The following HGSNAT variants were observed in gnomAD, a reference collection of about 807,000 sequenced individuals.
The protein encoded by HGSNAT is transmembrane protein 76.
A neutral mutation model predicts 85.2 loss-of-function variants in HGSNAT; 59 were observed. The observed-to-expected ratio is 0.69, with a 90% CI of 0.56 to 0.86. HGSNAT has a LOEUF of 0.86. HGSNAT is among the 40% of genes least tolerant of loss of function. The probability of loss-of-function intolerance (pLI) is 0.00; values close to 1 mark genes in which losing one functional copy is unlikely to be tolerated. For missense variants in HGSNAT, 756 were observed against 777.1 expected (o/e 0.97, Z 0.32); for synonymous variants, 321 against 304.5 (o/e 1.05, Z -0.56).
intron 2 of HGSNAT, among the ~76,000 whole-genome samples, chr8:43,148,629 A>G (rs1422643510): frequency 6.6e-6 from 1 of 151,254 alleles, no homozygotes; most frequent in Non-Finnish European, 1.5e-5. Flanking sequence ...CTCTATTAAA[A>G]AATACAAAAA....
intron 11 of HGSNAT, 119 bp from the exon 12 acceptor site, chr8:43,191,355 T>C (rs1290236924): frequency 1.6e-6 from 2 of 1,253,118 alleles, no homozygotes; most frequent in East Asian, 2.4e-5. Flanking sequence ...CAGTAAGTTT[T>C]TGTATTACTG....
intron 11 of HGSNAT, among the ~76,000 whole-genome samples, chr8:43,185,864 T>G (rs1459276461): frequency 3.9e-5 from 6 of 152,246 alleles, no homozygotes; most frequent in Admixed American, 3.9e-4. Flanking sequence ...TTGAATTTTG[T>G]CGAAGGCCTT....
intron 2 of HGSNAT, among the ~76,000 whole-genome samples, chr8:43,154,376 G>C (rs1377392952): frequency 2.1e-5 from 3 of 142,290 alleles, no homozygotes; most frequent in Non-Finnish European, 4.5e-5. Context: ...CCTGGTGTGT[G>C]ATGTTCCCCT....
intron 2 of HGSNAT, among the ~76,000 whole-genome samples, chr8:43,153,111 A>G (rs1401279771): frequency 1.3e-5 from 2 of 152,046 alleles, no homozygotes; most frequent in Non-Finnish European, 1.5e-5. Context: ...GCTGTATTAG[A>G]TAAGATATAT....
At chr8:43,141,389 C>G (rs1802535270) in intron 1 of HGSNAT, among the ~76,000 whole-genome samples, 1 of 152,118 alleles carries the variant, frequency 6.6e-6, no homozygotes, top group Admixed American at 6.5e-5. Context: ...GCTTAAGAGG[C>G]GCTCAGCTCA....
chr8:43,189,202 C>T (rs548106491), intron 11 of HGSNAT, among the ~76,000 whole-genome samples: 2 of 152,316 alleles, frequency 1.3e-5, no homozygotes, highest in South Asian at 4.1e-4. Flanking sequence ...TTTCTGCTGC[C>T]TTTTATTCAG....
At chr8:43,175,768 T>C (rs1803790235) in intron 9 of HGSNAT, among the ~76,000 whole-genome samples, 1 of 152,092 alleles carries the variant, frequency 6.6e-6, no homozygotes, top group African/African-American at 2.4e-5. Flanking sequence ...GGTTTCACCA[T>C]GTTGGCCAGG....
chr8:43,159,554 C>CT (rs1240152866), intron 4 of HGSNAT, among the ~76,000 whole-genome samples: 1 of 152,122 alleles, frequency 6.6e-6, no homozygotes, highest in Admixed American at 6.5e-5. Flanking sequence ...TACCACTGCA[C>CT]TGCAACCTGG....
chr8:43,189,916 TTAAA>T lies in HGSNAT; in HGVS notation c.1129-1554_1129-1551del, dbSNP rs1191360801. ...CCGCCTGACCCCATTCTTGATAGTA[TTAAA>T]TAATACCACCAGCATCCAGTTTGCT... On this transcript the variant is annotated intron_variant, in intron 11 of 17. Transcript: ENST00000379644. Among the ~76,000 whole-genome samples the T allele has an allele frequency of 2.4e-4, 36 of 152,218 alleles. 1 individual carries two copies. The highest frequency in any genetic ancestry group is 4.1e-4 in the Non-Finnish European group (28 of 68,040).
intron 10 of HGSNAT, among the ~76,000 whole-genome samples, chr8:43,179,604 G>C: frequency 1.3e-5 from 1 of 76,838 alleles, no homozygotes; most frequent in Non-Finnish European, 2.5e-5. Flanking sequence ...TTCCAGTAGG[G>C]GCGGCCGGGC....
chr8:43,166,684 T>G (rs1356890769), intron 5 of HGSNAT, among the ~76,000 whole-genome samples: 1 of 152,216 alleles, frequency 6.6e-6, no homozygotes, highest in Non-Finnish European at 1.5e-5. Context: ...AATGTTGTTT[T>G]CATGCCTGTA....
intron 15 of HGSNAT, 147 bp from the exon 16 acceptor site, chr8:43,197,525 T>A (rs1200933721): frequency 1.6e-6 from 1 of 636,942 alleles, no homozygotes; most frequent in Non-Finnish European, 2.7e-6. Flanking sequence ...TTTAAAAAAA[T>A]ATGTTTCCAT....
At chr8:43,190,340 A>G (rs965724877) in intron 11 of HGSNAT, among the ~76,000 whole-genome samples, 1 of 152,184 alleles carries the variant, frequency 6.6e-6, no homozygotes, top group African/African-American at 2.4e-5. Context: ...GCTTCTTTCA[A>G]GATACGTAAC....
chr8:43,142,427 G>C (rs1802579847), intron 1 of HGSNAT, among the ~76,000 whole-genome samples: 1 of 152,092 alleles, frequency 6.6e-6, no homozygotes, highest in African/African-American at 2.4e-5. Flanking sequence ...TGATGGCTTA[G>C]TAATTGGGTC....
At chr8:43,141,979 T>C (rs1382367802) in intron 1 of HGSNAT, among the ~76,000 whole-genome samples, 3 of 152,216 alleles carry the variant, frequency 2.0e-5, no homozygotes, top group African/African-American at 7.2e-5. Context: ...ACCGCAAGGC[T>C]TTCCCTGTCA....
Position 43,149,616 on chromosome 8 carries a change from C to T in HGSNAT, c.234+2553C>T, listed in dbSNP as rs182421903. On this transcript the variant is annotated intron_variant, in intron 2 of 17. Coordinates refer to ENST00000379644, the MANE Select transcript of HGSNAT (RefSeq NM_152419.3). ...TCAGGAGGCTGAGGCAGGAGAATGG[C>T]GTGAACCCGGGAGGCGGAGCTTGCA... 2.6e-5 allele frequency among the ~76,000 whole-genome samples: 4 copies of T among 151,074 alleles called. No individual in the cohort carries two copies. The East Asian group carries it at 5.9e-4, about 22-fold the overall frequency.
chr8:43,161,975 C>T (rs1373600465), intron 5 of HGSNAT, among the ~76,000 whole-genome samples: 4 of 152,224 alleles, frequency 2.6e-5, no homozygotes, highest in South Asian at 2.1e-4. Flanking sequence ...GGACCTCGCA[C>T]GGACTCCCTG....
chr8:43,152,115 A>G (rs942716889), intron 2 of HGSNAT, among the ~76,000 whole-genome samples: 4 of 152,078 alleles, frequency 2.6e-5, no homozygotes, highest in African/African-American at 9.7e-5. Flanking sequence ...ACATGGTGAA[A>G]CCCCATCTCT....
chr8:43,153,607 T>A (rs1432419364), intron 2 of HGSNAT, among the ~76,000 whole-genome samples: 2 of 152,174 alleles, frequency 1.3e-5, no homozygotes, highest in East Asian at 3.8e-4. Context: ...TATTTTGCAA[T>A]ATACATTACA....
Sources: gnomAD v4.1 joint callset for allele counts (sites outside exome capture counted in the v4.1 genomes callset) on GRCh38, gnomAD v4.1.1 for gene constraint, MANE v1.5 for transcripts, NCBI Gene and HGNC (gene_info 2026-07-23, HGNC 2026-07-21) for gene names.